PHACTR4: variants seen among roughly 807,000 people sequenced by gnomAD.
PHACTR4 encodes phosphatase and actin regulator 4, also known as protein phosphatase 1, regulatory subunit 124.
Under a neutral mutation model 72.7 loss-of-function variants are expected in PHACTR4, and 51 were observed. The ratio of observed to expected loss-of-function variants is 0.70; its 90% CI spans 0.56 to 0.89. The LOEUF (loss-of-function observed/expected upper bound fraction) is 0.89, where lower values mean the gene tolerates loss of function less well. Ranked by LOEUF, PHACTR4 falls within the 40% of genes least tolerant of loss-of-function variation. The probability of loss-of-function intolerance (pLI) is 0.00; values close to 1 mark genes in which losing one functional copy is unlikely to be tolerated. For missense variants in PHACTR4, 731 were observed against 861.8 expected, an observed-to-expected ratio of 0.85 and a Z score of 1.90; for synonymous variants, 255 against 302.5, an observed-to-expected ratio of 0.84 and a Z score of 1.63.
chr1:28,382,595 G>A (rs191367921), intron 1 of PHACTR4, among the ~76,000 whole-genome samples: 10 of 152,158 alleles, frequency 6.6e-5, no homozygotes, highest in Admixed American at 4.6e-4. Context: ...GAGCCACCGC[G>A]CCCGGCCTAT....
chr1:28,428,209 A>G (rs996760965), intron 2 of PHACTR4, among the ~76,000 whole-genome samples: 4 of 152,130 alleles, frequency 2.6e-5, no homozygotes, highest in African/African-American at 9.7e-5. Context: ...TTCATCCCAC[A>G]ACATATGAAC....
intron 2 of PHACTR4, among the ~76,000 whole-genome samples, chr1:28,412,991 C>T (rs1048697676): frequency 3.3e-5 from 5 of 152,178 alleles, no homozygotes; most frequent in Non-Finnish European, 2.9e-5. Flanking sequence ...GGCCAGTGAG[C>T]ATTACAGTCT....
At chr1:28,400,835 C>T (rs1452692280) in intron 1 of PHACTR4, among the ~76,000 whole-genome samples, 5 of 152,180 alleles carry the variant, frequency 3.3e-5, no homozygotes. Context: ...CTGCCTCGGC[C>T]TCCCACAGTG....
intron 2 of PHACTR4, among the ~76,000 whole-genome samples, chr1:28,455,198 C>CTTTTTTTTTTTTTT (rs139479738): frequency 4.7e-5 from 4 of 85,970 alleles, no homozygotes; most frequent in Non-Finnish European, 8.4e-5. Flanking sequence ...TTCTTTCTTT[C>CTTTTTTTTTTTTTT]TTTTTTTTTT....
chr1:28,469,048 A>G (rs1659398599), intron 6 of PHACTR4, among the ~76,000 whole-genome samples: 1 of 152,206 alleles, frequency 6.6e-6, no homozygotes, highest in African/African-American at 2.4e-5. Flanking sequence ...ACAAAAGAAG[A>G]AAAATAGAAC....
chr1:28,470,070 A>C (rs1281431759), intron 6 of PHACTR4, among the ~76,000 whole-genome samples: 1 of 151,186 alleles, frequency 6.6e-6, no homozygotes, highest in Non-Finnish European at 1.5e-5. Context: ...AAAAAAAAAA[A>C]ATTATTTATG....
intron 9 of PHACTR4, among the ~76,000 whole-genome samples, chr1:28,481,124 G>A (rs978633671): frequency 2.6e-5 from 4 of 152,082 alleles, no homozygotes; most frequent in Admixed American, 1.3e-4. Context: ...CAACTCTTGG[G>A]TTCAAGGCAC....
intron 1 of PHACTR4, among the ~76,000 whole-genome samples, chr1:28,378,892 A>G (rs1277102974): frequency 6.6e-6 from 1 of 152,150 alleles, no homozygotes; most frequent in East Asian, 1.9e-4. Context: ...AGTTGTTACC[A>G]GTTGATTACT....
intron 2 of PHACTR4, among the ~76,000 whole-genome samples, chr1:28,419,805 A>T (rs1655394712): frequency 6.6e-6 from 1 of 152,238 alleles, no homozygotes; most frequent in African/African-American, 2.4e-5. Context: ...AAATTGATTT[A>T]AAAATTGATA....
chr1:28,387,572 T>C (rs1652658388), intron 1 of PHACTR4, among the ~76,000 whole-genome samples: 1 of 152,082 alleles, frequency 6.6e-6, no homozygotes, highest in South Asian at 2.1e-4. Flanking sequence ...AGGATATCAG[T>C]GCACCTTTGC....
Position 28,496,714 on chromosome 1 carries a change from CT to C in PHACTR4, c.*167del. 1 of 782,974 alleles carries C rather than the reference CT, an allele frequency of 1.3e-6. No homozygotes were observed. The highest frequency in any genetic ancestry group is 2.2e-6 in the Non-Finnish European group (1 of 463,404). The allele number at this position is 782,974 out of a possible 1,614,324, so 48.5% of individuals were successfully genotyped here. A position where few individuals can be genotyped will look rare whatever the true frequency, so the allele number is the denominator to read the frequency against. ...ATGTAGCATTTCACTGGAACAGAGT[CT>C]TATGTGCTGCACCGGGGGCAAAACA... On this transcript the variant is annotated 3_prime_UTR_variant, in exon 14 of 14. Coordinates refer to ENST00000373839, the MANE Select transcript of PHACTR4 (RefSeq NM_001048183.3).
At chr1:28,418,146 T>TA (rs1369107141) in intron 2 of PHACTR4, among the ~76,000 whole-genome samples, 1 of 151,008 alleles carries the variant, frequency 6.6e-6, no homozygotes, top group Non-Finnish European at 1.5e-5. Flanking sequence ...TCTAAATAAA[T>TA]AAATGCTGAC....
At chr1:28,371,495 A>C (rs939325681) in intron 1 of PHACTR4, among the ~76,000 whole-genome samples, 2 of 152,092 alleles carry the variant, frequency 1.3e-5, no homozygotes, top group African/African-American at 4.8e-5. Flanking sequence ...AGGTTTCACC[A>C]TGTTAGCCAG....
At chr1:28,412,436 A>C (rs150221083) in intron 2 of PHACTR4, among the ~76,000 whole-genome samples, 9 of 152,364 alleles carry the variant, frequency 5.9e-5, no homozygotes, top group African/African-American at 2.2e-4. Flanking sequence ...CATCATAAAC[A>C]GTAATAAAAA....
chr1:28,409,554 G>A (rs11810777), intron 2 of PHACTR4, among the ~76,000 whole-genome samples: 2 of 152,212 alleles, frequency 1.3e-5, no homozygotes, highest in South Asian at 4.1e-4. Context: ...TAATTTCAGC[G>A]TACTGGAGGA....
At chr1:28,410,447 T>A (rs1449516922) in intron 2 of PHACTR4, among the ~76,000 whole-genome samples, 3 of 152,182 alleles carry the variant, frequency 2.0e-5, no homozygotes, top group African/African-American at 7.2e-5. Context: ...CTGAGTGACC[T>A]CCTTGCTTCA....
At position 28,496,579 on chromosome 1, in the gene PHACTR4, G is replaced by A; in HGVS notation, c.*30G>A. The A allele has an allele frequency of 6.2e-7, 1 of 1,612,168 alleles. No individual in the cohort carries two copies. Among genetic ancestry groups the A allele is most frequent in the Non-Finnish European group, 8.5e-7 (1 of 1,178,952 alleles). ...AAAGGTTGAGAGAGGAATCAACATG[G>A]CTGCTTTGCTGCTTCCTTCTCCAAA... is the stretch of plus-strand genomic sequence containing the variant. On this transcript the variant is annotated 3_prime_UTR_variant, in exon 14 of 14. Transcript: ENST00000373839.
At chr1:28,398,585 A>G (rs572164417) in intron 1 of PHACTR4, among the ~76,000 whole-genome samples, 1 of 151,730 alleles carries the variant, frequency 6.6e-6, no homozygotes, top group East Asian at 2.0e-4. Flanking sequence ...TTGGGAGGCT[A>G]AGGCAGGCGG....
rs1042620715 is a variant in PHACTR4, at chr1:28,442,334, C to T, written c.17-16751C>T. On this transcript the variant is annotated intron_variant, in intron 2 of 13. Coordinates refer to ENST00000373839, the MANE Select transcript of PHACTR4 (RefSeq NM_001048183.3). ...CAAAAATTAGCTGAGCATGGTGGCG[C>T]GTGCCTGTAGTCCCAGCTACTCAGG... 3.3e-5 allele frequency among the ~76,000 whole-genome samples: 5 copies of T among 151,466 alleles called. No individual in the cohort carries two copies. In the East Asian group the frequency reaches 5.9e-4, roughly 18 times the overall value.
Sources: gnomAD v4.1 joint callset for allele counts (sites outside exome capture counted in the v4.1 genomes callset) on GRCh38, gnomAD v4.1.1 for gene constraint, MANE v1.5 for transcripts, NCBI Gene and HGNC (gene_info 2026-07-23, HGNC 2026-07-21) for gene names.